The following SYN3 variants were observed in gnomAD, a reference collection of about 807,000 sequenced individuals.
SYN3 encodes the protein synapsin-3.
Under a neutral mutation model 65.8 loss-of-function variants are expected in SYN3, and 35 were observed. That is an observed-to-expected ratio of 0.53 (90% CI 0.41 to 0.70). The LOEUF (loss-of-function observed/expected upper bound fraction) is 0.70, where lower values mean the gene tolerates loss of function less well. Ranked by LOEUF, SYN3 falls within the 30% of genes least tolerant of loss-of-function variation. SYN3 has a pLI of 0.00. For synonymous variants in SYN3, 270 were observed against 292.9 expected, an observed-to-expected ratio of 0.92 and a Z score of 0.80; for missense variants, 680 against 749.0, an observed-to-expected ratio of 0.91 and a Z score of 1.08.
intron 4 of SYN3, among the ~76,000 whole-genome samples, chr22:32,891,588 C>T (rs1032916960): frequency 2.0e-5 from 3 of 152,194 alleles, no homozygotes; most frequent in Non-Finnish European, 4.4e-5. Flanking sequence ...CATCCGACTT[C>T]GGTTCATATC....
intron 6 of SYN3, among the ~76,000 whole-genome samples, chr22:32,831,137 C>A (rs545856750): frequency 1.3e-5 from 2 of 152,150 alleles, no homozygotes; most frequent in South Asian, 4.1e-4. Flanking sequence ...AAGGTGGCAG[C>A]GTGACCCTTA....
intron 6 of SYN3, among the ~76,000 whole-genome samples, chr22:32,798,202 G>T (rs1312151438): frequency 6.6e-6 from 1 of 152,118 alleles, no homozygotes; most frequent in Non-Finnish European, 1.5e-5. Context: ...TCATGGTAGA[G>T]AATTATTTAA....
chr22:32,996,670 G>A (rs1448732317), intron 2 of SYN3, among the ~76,000 whole-genome samples: 1 of 152,236 alleles, frequency 6.6e-6, no homozygotes. Context: ...GAATAGAAAA[G>A]ATCTTGCCTG....
chr22:32,515,760 C>T (rs117881779), intron 13 of SYN3, among the ~76,000 whole-genome samples: 4,374 of 151,556 alleles, frequency 0.029, 83 homozygotes, highest in Middle Eastern at 0.059. Flanking sequence ...GAATACTATA[C>T]AGCCATAAAA....
chr22:32,938,398 C>T (rs1336601653), intron 3 of SYN3, among the ~76,000 whole-genome samples: 3 of 151,688 alleles, frequency 2.0e-5, no homozygotes, highest in East Asian at 2.0e-4. Flanking sequence ...GGCGTGGTGG[C>T]GGGTGTCTGT....
intron 6 of SYN3, among the ~76,000 whole-genome samples, chr22:32,663,423 C>T (rs1368968830): frequency 6.6e-6 from 1 of 151,888 alleles, no homozygotes. Context: ...CTCAGCCGCC[C>T]GAATAGCTGG....
At chr22:32,913,453 C>T (rs769021998) in intron 4 of SYN3, among the ~76,000 whole-genome samples, 1 of 151,848 alleles carries the variant, frequency 6.6e-6, no homozygotes, top group Non-Finnish European at 1.5e-5. Context: ...CCACCCCGCA[C>T]AGCCAAGTCT....
intron 6 of SYN3, among the ~76,000 whole-genome samples, chr22:32,814,107 CGTGTGTGTGT>C (rs130279): frequency 0.2 from 19,008 of 97,414 alleles, 2,136 homozygotes; most frequent in East Asian, 0.35. Context: ...AGGCAATACT[CGTGTGTGTGT>C]GTGTGTGTGT....
intron 6 of SYN3, among the ~76,000 whole-genome samples, chr22:32,608,112 G>A (rs1358742421): frequency 6.6e-6 from 1 of 152,230 alleles, no homozygotes; most frequent in Non-Finnish European, 1.5e-5. Flanking sequence ...CTGTCACCCA[G>A]GCTGGAGTGC....
At chr22:32,969,494 T>A (rs2051954016) in intron 3 of SYN3, among the ~76,000 whole-genome samples, 2 of 152,334 alleles carry the variant, frequency 1.3e-5, no homozygotes, top group Middle Eastern at 3.4e-3. Flanking sequence ...TTTTTGCTAT[T>A]TTTTTGCTTG....
In SYN3 at chr22:32,541,667, A is replaced by G; in HGVS notation, c.821T>C (p.Val274Ala). 6.2e-7 allele frequency: 1 copy of G among 1,614,022 alleles called. No individual in the cohort carries two copies. Among genetic ancestry groups the G allele is most frequent in the South Asian group, 1.1e-5 (1 of 91,056 alleles). Residue 274 changes from valine to alanine, a missense_variant, in exon 8 of 14, where the codon GTC becomes GCC. Val to Ala is a moderately conservative substitution (Grantham distance 64). Coordinates refer to ENST00000358763, the MANE Select transcript of SYN3 (RefSeq NM_003490.4). ...QLDFQDITSV[V>A]AMAKTYATTE... ...GGTGGCGTAGGTTTTGGCCATGGCG[A>G]CCACGCTGGTGATGTCCTGGAAGTC...
intron 12 of SYN3, among the ~76,000 whole-genome samples, chr22:32,525,627 A>C (rs372397724): frequency 6.6e-6 from 1 of 151,648 alleles, no homozygotes; most frequent in East Asian, 1.9e-4. Flanking sequence ...GGAGAATGGC[A>C]TGAACCCGGG....
rs1302819220 is a variant in SYN3 at position 32,510,978 on chromosome 22, T to G, written c.*2714A>C. On this transcript the variant is annotated 3_prime_UTR_variant, in exon 14 of 14. Coordinates refer to ENST00000358763, the MANE Select transcript of SYN3 (RefSeq NM_003490.4). ...TGCATTTGTCAATTCCAAGTTATTG[T>G]CCAGGCGTGTGTGTGTGTGTGTGTG... Among the ~76,000 whole-genome samples, 1 of 147,130 alleles carries G rather than the reference T, an allele frequency of 6.8e-6. No homozygotes were observed. The highest frequency in any genetic ancestry group is 2.1e-4 in the South Asian group (1 of 4,768).
intron 12 of SYN3, 185 bp from the exon 13 acceptor site, chr22:32,518,519 T>A: frequency 4.0e-6 from 3 of 755,952 alleles, no homozygotes; most frequent in Non-Finnish European, 6.9e-6. Flanking sequence ...ATCTGTATAA[T>A]GGAATATGCT....
intron 6 of SYN3, among the ~76,000 whole-genome samples, chr22:32,604,775 G>T (rs548347573): frequency 7.9e-5 from 12 of 152,118 alleles, no homozygotes; most frequent in African/African-American, 2.9e-4. Flanking sequence ...GGAGGCTGAG[G>T]CGGGCAGATG....
chr22:32,806,326 G>A (rs2046735040), intron 6 of SYN3, among the ~76,000 whole-genome samples: 1 of 152,114 alleles, frequency 6.6e-6, no homozygotes, highest in South Asian at 2.1e-4. Flanking sequence ...AGGGATTTTT[G>A]TTTGTTTTGC....
rs757849778 is a variant in SYN3, at chr22:32,513,749, G to C, written c.1686C>G (p.Ala562=). ...SQRGTPSEDE[A]KAETIRNLRK... The stretch of plus-strand genomic sequence containing the variant: ...TCAGGTTGCGGATGGTTTCAGCCTT[G>C]GCCTCGTCTTCACTTGGGGTCCCAC... The change falls in exon 14 of 14, where the codon GCC becomes GCG. Residue 562 remains alanine (A), a synonymous_variant. Coordinates refer to ENST00000358763, the MANE Select transcript of SYN3 (RefSeq NM_003490.4). 6.2e-7 allele frequency: 1 copy of C among 1,614,148 alleles called. No homozygotes were observed. Among genetic ancestry groups the C allele is most frequent in the South Asian group, 1.1e-5 (1 of 91,076 alleles).
At chr22:32,675,225 G>A (rs2060423292) in intron 6 of SYN3, among the ~76,000 whole-genome samples, 1 of 152,198 alleles carries the variant, frequency 6.6e-6, no homozygotes, top group Non-Finnish European at 1.5e-5. Flanking sequence ...CAGTCAGCAG[G>A]AAGTATCATC....
At chr22:32,782,202 G>A (rs1316347633) in intron 6 of SYN3, among the ~76,000 whole-genome samples, 1 of 151,952 alleles carries the variant, frequency 6.6e-6, no homozygotes, top group Non-Finnish European at 1.5e-5. Flanking sequence ...CCAAGTAGCT[G>A]GGATTACAGG....
Sources: allele counts gnomAD v4.1 joint callset (sites outside exome capture counted in the v4.1 genomes callset), GRCh38; gene constraint gnomAD v4.1.1; transcripts MANE v1.5; gene names NCBI Gene and HGNC (gene_info 2026-07-23, HGNC 2026-07-21).